UBN1: variants seen among roughly 807,000 people sequenced by gnomAD.
UBN1 encodes the protein ubinuclein 1, also known as ubinuclein-1.
In UBN1, 17 loss-of-function variants were observed where a neutral mutation model predicts 108.5. That is an observed-to-expected ratio of 0.16 (90% CI 0.11 to 0.24). The LOEUF is 0.24. Ranked by LOEUF, UBN1 falls within the 10% of genes least tolerant of loss-of-function variation. The pLI is 1.00. For missense variants in UBN1, 1,595 were observed against 1,394.4 expected (o/e 1.14, Z -2.29); for synonymous variants, 726 against 564.2 (o/e 1.29, Z -4.07).
chr16:4,872,378 G>T (rs2087685415), intron 12 of UBN1: 2 of 984,820 alleles, frequency 2.0e-6, no homozygotes, highest in Non-Finnish European at 2.4e-6. Context: ...CTCAGCCTTT[G>T]GGCAGCCAGT....
intron 1 of UBN1, among the ~76,000 whole-genome samples, chr16:4,850,632 C>A (rs2086514488): frequency 2.0e-5 from 3 of 152,218 alleles, no homozygotes. Context: ...CAGCCTGTTA[C>A]ACTGCTAATC....
intron 17 of UBN1, among the ~76,000 whole-genome samples, chr16:4,878,557 A>T (rs930904721): frequency 6.6e-6 from 1 of 152,212 alleles, no homozygotes. Flanking sequence ...GGCTAAGCCT[A>T]TAGCACTAGT....
At chr16:4,853,869 G>C (rs2086670554) in intron 2 of UBN1, among the ~76,000 whole-genome samples, 1 of 151,832 alleles carries the variant, frequency 6.6e-6, no homozygotes, top group Non-Finnish European at 1.5e-5. Context: ...GCCACAACTT[G>C]ATGGATTTTC....
At chr16:4,865,833 G>A (rs1369251115) in intron 7 of UBN1, among the ~76,000 whole-genome samples, 1 of 151,976 alleles carries the variant, frequency 6.6e-6, no homozygotes, top group African/African-American at 2.4e-5. Context: ...ATGGGGGTGG[G>A]TGCCTGTAAT....
intron 15 of UBN1, among the ~76,000 whole-genome samples, chr16:4,876,397 T>A (rs940995506): frequency 6.6e-6 from 1 of 152,188 alleles, no homozygotes; most frequent in Non-Finnish European, 1.5e-5. Context: ...TTCCTCTTTT[T>A]AAACAAAAGA....
chr16:4,872,434 A>G (rs1160033120), intron 12 of UBN1: 5 of 309,994 alleles, frequency 1.6e-5, no homozygotes, highest in African/African-American at 6.4e-5. Context: ...TCCCCAATCC[A>G]TTGACCTTTT....
intron 1 of UBN1, among the ~76,000 whole-genome samples, chr16:4,849,462 A>G (rs118151999): frequency 0.012 from 1,828 of 151,982 alleles, 15 homozygotes; most frequent in Non-Finnish European, 0.018. Context: ...TGAAAATACA[A>G]TGTTTAGAAG....
intron 3 of UBN1, 101 bp from the exon 4 acceptor site, chr16:4,858,467 A>T: frequency 1.0e-6 from 1 of 998,550 alleles, no homozygotes; most frequent in Non-Finnish European, 1.5e-6. Flanking sequence ...TGTTTTAGTT[A>T]GTGCATTACC....
At chr16:4,879,394 A>G (rs1002181261) in intron 17 of UBN1, among the ~76,000 whole-genome samples, 1 of 151,946 alleles carries the variant, frequency 6.6e-6, no homozygotes, top group African/African-American at 2.4e-5. Flanking sequence ...TGCTGTGATC[A>G]TGCTTGTGAA....
chr16:4,881,203 T>C lies in UBN1; in HGVS notation c.*1071T>C, dbSNP rs2088066599. 6.6e-6 allele frequency: 1 copy of C among 152,600 alleles called. No homozygotes were observed. Among genetic ancestry groups the C allele is most frequent in the Non-Finnish European group, 1.5e-5 (1 of 68,040 alleles). 9.5% of individuals were successfully genotyped at this position (152,600 alleles called of 1,614,324 possible). A position where few individuals can be genotyped will look rare whatever the true frequency, so the allele number is the denominator to read the frequency against. ...AGATAGACATTCCAGTTTGTATTCT[T>C]AGGAATCATTCTTAGGCAGTGCGGC... is the stretch of plus-strand genomic sequence containing the variant. On this transcript the variant is annotated 3_prime_UTR_variant, in exon 18 of 18. Transcript: ENST00000262376.
Position 4,874,624 on chromosome 16 carries a change from T to G in UBN1, c.2214T>G (p.Phe738Leu). 6.2e-7 allele frequency: 1 copy of G among 1,614,224 alleles called. No individual in the cohort carries two copies. The highest frequency in any genetic ancestry group is 8.5e-7 in the Non-Finnish European group (1 of 1,180,042). ...PASSLQSPLNFLAEQALALGQ... is the reference protein window; with the variant it reads ...PASSLQSPLNLLAEQALALGQ... The stretch of plus-strand genomic sequence containing the variant: ...GCTCTCTGCAGTCACCCCTCAATTT[T>G]CTGGCAGAACAGGCTCTGGCACTGG... The change falls in exon 15 of 18, where the codon TTT becomes TTG. Residue 738 changes from phenylalanine (F) to leucine (L), a missense_variant. Physicochemically the swap from Phe to Leu is conservative, Grantham distance 22. This residue lies in a region of UBN1 where 1,398 missense variants were observed against 1,194.7 expected (regional missense o/e 1.17). Coordinates refer to ENST00000262376, the MANE Select transcript of UBN1 (RefSeq NM_001079514.3).
intron 2 of UBN1, among the ~76,000 whole-genome samples, chr16:4,853,561 C>CT (rs770275981): frequency 9.0e-4 from 124 of 137,950 alleles, no homozygotes; most frequent in Middle Eastern, 3.7e-3. Flanking sequence ...TTTTTTCTTT[C>CT]TTTTTTTTTT....
At chr16:4,852,267 G>T (rs1252178210) in intron 1 of UBN1, 2 of 152,218 alleles carry the variant, frequency 1.3e-5, no homozygotes. Flanking sequence ...CCATTCCCAA[G>T]TGATTTTGAA....
chr16:4,875,707 T>G (rs906717055), intron 15 of UBN1, among the ~76,000 whole-genome samples: 7 of 152,298 alleles, frequency 4.6e-5, no homozygotes, highest in East Asian at 1.9e-4. Context: ...TCGGAGGCTG[T>G]CTGTGTGGCA....
chr16:4,877,367 C>A lies in UBN1; in HGVS notation c.3266-18C>A, dbSNP rs374563347. 3 of 1,604,588 alleles carry A rather than the reference C, an allele frequency of 1.9e-6. No individual in the cohort carries two copies. Among genetic ancestry groups the A allele is most frequent in the East Asian group, 2.2e-5 (1 of 44,722 alleles). Reference sequence around the variant, plus strand: ...ATGTGTGTGTTTTGTTCTTTTCTCCCCTCCTGTTTTCTCTCAGGTCTTCTG... The same window carrying A: ...ATGTGTGTGTTTTGTTCTTTTCTCCACTCCTGTTTTCTCTCAGGTCTTCTG... On this transcript the variant is annotated intron_variant, in intron 16 of 17. Coordinates refer to ENST00000262376, the MANE Select transcript of UBN1 (RefSeq NM_001079514.3). The surrounding 1 kb of genome is among the most constrained non-coding windows in gnomAD (Gnocchi z 4.3).
intron 4 of UBN1, 146 bp from the exon 5 acceptor site, chr16:4,858,879 T>TC (rs2086925212): frequency 2.6e-6 from 3 of 1,139,940 alleles, no homozygotes; most frequent in Non-Finnish European, 3.8e-6. Flanking sequence ...ACCTTGTAGC[T>TC]CAGACATTCA....
chr16:4,849,049 G>A (rs914067404), intron 1 of UBN1, among the ~76,000 whole-genome samples: 2 of 151,594 alleles, frequency 1.3e-5, no homozygotes, highest in African/African-American at 4.8e-5. Flanking sequence ...GCCGTGAGCC[G>A]AGATTATGTC....
chr16:4,848,745 G>A (rs754800029), intron 1 of UBN1, among the ~76,000 whole-genome samples: 1 of 152,182 alleles, frequency 6.6e-6, no homozygotes, highest in Non-Finnish European at 1.5e-5. Flanking sequence ...TTTAACATAA[G>A]TTCCTGTTTA....
At position 4,859,133 on chromosome 16, in the gene UBN1, A is replaced by C; in HGVS notation, c.541A>C (p.Lys181Gln). 6.2e-7 allele frequency: 1 copy of C among 1,613,574 alleles called. No homozygotes were observed. Among genetic ancestry groups the C allele is most frequent in the Non-Finnish European group, 8.5e-7 (1 of 1,179,908 alleles). ...QASESEDDFI[K>Q]EKKKKSPKKR... ...ATCAGAGTCTGAAGATGACTTCATT[A>C]AAGAAAAGAAGAAAAAATCTCCAAA... The change falls in exon 5 of 18, where the codon AAA (lysine) becomes CAA (glutamine). Residue 181 changes from lysine to glutamine, a missense_variant. Lys to Gln is a moderately conservative substitution (Grantham distance 53). Coordinates refer to ENST00000262376, the MANE Select transcript of UBN1 (RefSeq NM_001079514.3).
Sources: allele counts gnomAD v4.1 joint callset (sites outside exome capture counted in the v4.1 genomes callset), GRCh38; gene constraint gnomAD v4.1.1; regional missense constraint gnomAD v4.1.1; non-coding constraint Gnocchi (gnomAD v3.1); transcripts MANE v1.5; gene names NCBI Gene and HGNC (gene_info 2026-07-23, HGNC 2026-07-21).